The following EXD3 variants were observed in gnomAD, a reference collection of about 807,000 sequenced individuals.
EXD3 encodes the protein exonuclease 3'-5' domain containing 3, also known as exonuclease mut-7 homolog.
In EXD3, 92 loss-of-function variants were observed where a neutral mutation model predicts 98.0. That is an observed-to-expected ratio of 0.94 (90% CI 0.79 to 1.12). The LOEUF (loss-of-function observed/expected upper bound fraction) is 1.12. Among genes scored for constraint, EXD3 ranks in the 50% most tolerant of loss-of-function variants. The pLI is 0.00. For missense variants in EXD3, 1,222 were observed against 1,191.6 expected, an observed-to-expected ratio of 1.03 and a Z score of -0.38; for synonymous variants, 569 against 526.0, an observed-to-expected ratio of 1.08 and a Z score of -1.12.
chr9:137,308,790 C>T lies in EXD3; in HGVS notation c.2278+817G>A, dbSNP rs1357722738. On this transcript the variant is annotated intron_variant, in intron 20 of 21. Transcript: ENST00000340951. ...TAGCTGGGACCACAGGCGTGTGCCACCACACCCGGCTAATTTTTTGTATTT... is the reference window on the plus strand; with the variant it reads ...TAGCTGGGACCACAGGCGTGTGCCATCACACCCGGCTAATTTTTTGTATTT... 2.6e-5 allele frequency among the ~76,000 whole-genome samples: 4 copies of T among 152,226 alleles called. No homozygotes were observed. In the East Asian group the frequency reaches 7.7e-4, roughly 29 times the overall value.
At chr9:137,380,265 G>A (rs1391091228) in intron 3 of EXD3, among the ~76,000 whole-genome samples, 3 of 151,286 alleles carry the variant, frequency 2.0e-5, no homozygotes, top group East Asian at 3.9e-4. Context: ...TGCTGTGCAC[G>A]GAGAAAACAA....
intron 3 of EXD3, among the ~76,000 whole-genome samples, chr9:137,382,189 C>CGGAGGAGGTGAGGGCGCGG (rs1564194941): frequency 3.0e-5 from 1 of 33,844 alleles, no homozygotes; most frequent in African/African-American, 1.7e-4. Flanking sequence ...TGAGGGCGCG[C>CGGAGGAGGTGAGGGCGCGG]GGAGGAGGTG....
At chr9:137,316,287 A>G (rs1246595831) in intron 19 of EXD3, among the ~76,000 whole-genome samples, 1 of 151,888 alleles carries the variant, frequency 6.6e-6, no homozygotes, top group South Asian at 2.1e-4. Flanking sequence ...GAGATTCAAA[A>G]GCTAACGGCC....
At chr9:137,309,297 C>T (rs75233705) in intron 20 of EXD3, among the ~76,000 whole-genome samples, 191 of 152,154 alleles carry the variant, frequency 1.3e-3, no homozygotes, top group African/African-American at 4.4e-3. Flanking sequence ...CTGTGTGCAC[C>T]GCATGCCTGG....
chr9:137,408,376 G>A (rs532450172), intron 1 of EXD3, among the ~76,000 whole-genome samples: 1 of 151,822 alleles, frequency 6.6e-6, no homozygotes, highest in East Asian at 1.9e-4. Flanking sequence ...GTGAAACCCC[G>A]TCTCTACTAA....
intron 5 of EXD3, among the ~76,000 whole-genome samples, chr9:137,370,966 G>T (rs956332644): frequency 6.6e-6 from 1 of 152,172 alleles, no homozygotes; most frequent in Admixed American, 6.5e-5. Flanking sequence ...CAGCTAATCC[G>T]AGCGGACAGG....
At chr9:137,354,015 C>T (rs1487910812) in intron 10 of EXD3, 1 of 1,161,594 alleles carries the variant, frequency 8.6e-7, no homozygotes, top group Admixed American at 4.7e-5. Flanking sequence ...CGCCCAGGCG[C>T]CTTGCACCTC....
rs1020109243 is a variant in EXD3, at chr9:137,306,979, C to T, written c.2602G>A (p.Ala868Thr). The T allele has an allele frequency of 1.9e-6, 3 of 1,597,312 alleles. No homozygotes were observed. The highest frequency in any genetic ancestry group is 2.2e-5 in the East Asian group (1 of 44,668). Residue 868 changes from alanine (A) to threonine (T), a missense_variant, in exon 22 of 22, where the codon GCC (alanine) becomes ACC (threonine). Physicochemically the swap from Ala to Thr is moderately conservative, Grantham distance 58. Coordinates refer to ENST00000340951, the MANE Select transcript of EXD3 (RefSeq NM_017820.5). ...AAGGGACTGCTGGCCGGGCTGGGGGCTGGGCTCGGCTCGCAGGGGCTGGGG... is the reference window on the plus strand; with the variant it reads ...AAGGGACTGCTGGCCGGGCTGGGGGTTGGGCTCGGCTCGCAGGGGCTGGGG... The part of the protein sequence containing the change: ...SAPSPCEPSP[A>T]PSPASSPF
chr9:137,358,239 C>T (rs901793196), intron 7 of EXD3, among the ~76,000 whole-genome samples: 1 of 152,228 alleles, frequency 6.6e-6, no homozygotes, highest in Admixed American at 6.5e-5. Context: ...AACCACCTCC[C>T]TGTGTGCACG....
chr9:137,367,863 C>G (rs1324153575), intron 6 of EXD3, 73 bp downstream of exon 6: 1 of 1,472,976 alleles, frequency 6.8e-7, no homozygotes, highest in Non-Finnish European at 9.3e-7. Flanking sequence ...CGACCTCCAA[C>G]AAACACTGTT....
chr9:137,393,277 G>T lies in EXD3; in HGVS notation c.55+2026C>A. On this transcript the variant is annotated intron_variant, in intron 2 of 21. Coordinates refer to ENST00000340951, the MANE Select transcript of EXD3 (RefSeq NM_017820.5). The surrounding 1 kb of genome is among the most constrained non-coding windows in gnomAD (Gnocchi z 4.6). Reference sequence around the variant, plus strand: ...AGCTCTGTGCTGAGGCGAACCCAGGGTCCCATGCGCTCCCCGGCCCTGACG... The same window carrying T: ...AGCTCTGTGCTGAGGCGAACCCAGGTTCCCATGCGCTCCCCGGCCCTGACG... The T allele has an allele frequency of 1.4e-6, 1 of 701,396 alleles. No individual in the cohort carries two copies. Among genetic ancestry groups the T allele is most frequent in the Non-Finnish European group, 2.6e-6 (1 of 384,346 alleles). 43.4% of individuals were successfully genotyped at this position (701,396 alleles called of 1,614,324 possible).
At chr9:137,416,673 G>A (rs1838245936) in intron 1 of EXD3, among the ~76,000 whole-genome samples, 1 of 152,360 alleles carries the variant, frequency 6.6e-6, no homozygotes, top group Non-Finnish European at 1.5e-5. Flanking sequence ...ACCCTCTGAG[G>A]AGGATGGGGA....
intron 17 of EXD3, among the ~76,000 whole-genome samples, chr9:137,336,347 C>T (rs1016620291): frequency 1.3e-4 from 20 of 152,118 alleles, no homozygotes; most frequent in African/African-American, 4.6e-4. Flanking sequence ...CTTTAGATAT[C>T]GTTAACTCAA....
chr9:137,391,297 C>A (rs1836893724), intron 2 of EXD3, among the ~76,000 whole-genome samples: 1 of 152,234 alleles, frequency 6.6e-6, no homozygotes, highest in African/African-American at 2.4e-5. Context: ...CTGTTCACCG[C>A]CGTGTCCACA....
At chr9:137,386,533 C>G (rs1383436013) in intron 2 of EXD3, among the ~76,000 whole-genome samples, 2 of 152,020 alleles carry the variant, frequency 1.3e-5, no homozygotes, top group African/African-American at 4.8e-5. Flanking sequence ...TGACGCTGTG[C>G]CCTCAGACAA....
intron 7 of EXD3, among the ~76,000 whole-genome samples, chr9:137,363,406 C>T (rs552502692): frequency 2.0e-4 from 28 of 143,560 alleles, no homozygotes; most frequent in East Asian, 4.3e-4. Context: ...GGCGTGATCT[C>T]GGCTCACTGC....
chr9:137,348,661 A>G (rs1406728481), intron 16 of EXD3, among the ~76,000 whole-genome samples: 1 of 56,256 alleles, frequency 1.8e-5, no homozygotes, highest in African/African-American at 7.9e-5. Flanking sequence ...GGCTAGATAG[A>G]GAGGGGTGGG....
chr9:137,326,270 C>T lies in EXD3; in HGVS notation c.1999-2127G>A, dbSNP rs548296456. Among the ~76,000 whole-genome samples the T allele has an allele frequency of 6.6e-5, 10 of 152,212 alleles. 1 individual carries two copies. In the South Asian group the frequency reaches 8.3e-4, roughly 13 times the overall value. On this transcript the variant is annotated intron_variant, in intron 17 of 21. Coordinates refer to ENST00000340951, the MANE Select transcript of EXD3 (RefSeq NM_017820.5). ...GGAATAAAACACCTCAGGGTGGAGA[C>T]GTCGGTATTTGCAAATCACGTATCT...
chr9:137,354,792 T>G lies in EXD3; in HGVS notation c.758-19A>C. 1 of 1,604,902 alleles carries G rather than the reference T, an allele frequency of 6.2e-7. No homozygotes were observed. On this transcript the variant is annotated intron_variant, in intron 8 of 21. Transcript: ENST00000340951. ...CACAGCGCTGAAAGGAAAGGCCAGC[T>G]CAGCACTGAGGGCTCAGGGCAGCCT...
Sources: gnomAD v4.1 joint callset for allele counts (sites outside exome capture counted in the v4.1 genomes callset) on GRCh38, gnomAD v4.1.1 for gene constraint, Gnocchi (gnomAD v3.1) non-coding constraint, MANE v1.5 for transcripts, NCBI Gene and HGNC (gene_info 2026-07-23, HGNC 2026-07-21) for gene names.